Variants in PTPRG observed in about 807,000 individuals in gnomAD.
The protein encoded by PTPRG is receptor-type tyrosine-protein phosphatase gamma.
A neutral mutation model predicts 165.3 loss-of-function variants in PTPRG; 102 were observed. The ratio of observed to expected loss-of-function variants is 0.62; its 90% CI spans 0.53 to 0.73. PTPRG has a LOEUF of 0.73. Ranked by LOEUF, PTPRG falls within the 30% of genes least tolerant of loss-of-function variation. The pLI is 0.00. For synonymous variants in PTPRG, 675 were observed against 669.5 expected (o/e 1.01, Z -0.13); for missense variants, 1,866 against 1,861.4 (o/e 1.00, Z -0.05).
At chr3:61,747,345 G>A (rs1419650414) in intron 1 of PTPRG, among the ~76,000 whole-genome samples, 1 of 152,150 alleles carries the variant, frequency 6.6e-6, no homozygotes, top group Non-Finnish European at 1.5e-5. Context: ...GAAAGAGGAA[G>A]GATTAATGGG....
intron 2 of PTPRG, among the ~76,000 whole-genome samples, chr3:61,952,653 T>C (rs6778841): frequency 0.34 from 52,197 of 152,052 alleles, 10,239 homozygotes; most frequent in East Asian, 0.52. Flanking sequence ...TCTCTGCCCA[T>C]TTCTGCTTCC....
intron 1 of PTPRG, among the ~76,000 whole-genome samples, chr3:61,618,309 A>T (rs1559526295): frequency 6.6e-6 from 1 of 152,208 alleles, no homozygotes. Context: ...TCCATTAAGA[A>T]ACTGGTAAAT....
At chr3:62,075,107 G>C (rs1701341087) in intron 4 of PTPRG, among the ~76,000 whole-genome samples, 1 of 152,178 alleles carries the variant, frequency 6.6e-6, no homozygotes, top group African/African-American at 2.4e-5. Context: ...ATCCAGATGG[G>C]TGGAGCTGTG....
chr3:61,938,336 G>A (rs1397631907), intron 2 of PTPRG, among the ~76,000 whole-genome samples: 4 of 151,234 alleles, frequency 2.6e-5, no homozygotes, highest in Non-Finnish European at 5.9e-5. Context: ...CTTTGAAAAT[G>A]GGTTTTAAGA....
intron 2 of PTPRG, among the ~76,000 whole-genome samples, chr3:61,943,863 C>A (rs2107610921): frequency 6.6e-6 from 1 of 152,262 alleles, no homozygotes; most frequent in East Asian, 1.9e-4. Flanking sequence ...AGGTCATCAC[C>A]CTCCCTAGTC....
chr3:61,630,145 A>C (rs1261424226), intron 1 of PTPRG, among the ~76,000 whole-genome samples: 1 of 152,322 alleles, frequency 6.6e-6, no homozygotes, highest in African/African-American at 2.4e-5. Flanking sequence ...CTTTAAATAG[A>C]TGATATTATT....
At chr3:62,054,489 G>C (rs1700568215) in intron 4 of PTPRG, among the ~76,000 whole-genome samples, 1 of 152,146 alleles carries the variant, frequency 6.6e-6, no homozygotes, top group South Asian at 2.1e-4. Flanking sequence ...TCCAGGGATA[G>C]AAACGTGGGC....
At chr3:62,121,418 C>G (rs1332072795) in intron 5 of PTPRG, among the ~76,000 whole-genome samples, 1 of 152,100 alleles carries the variant, frequency 6.6e-6, no homozygotes, top group Non-Finnish European at 1.5e-5. Context: ...GAAATTGAGG[C>G]ACAACTAGAT....
At chr3:61,695,984 A>G (rs2030564265) in intron 1 of PTPRG, among the ~76,000 whole-genome samples, 1 of 152,174 alleles carries the variant, frequency 6.6e-6, no homozygotes, top group Non-Finnish European at 1.5e-5. Flanking sequence ...TAGGGATTTA[A>G]GGATGTGTTT....
intron 1 of PTPRG, among the ~76,000 whole-genome samples, chr3:61,732,226 AT>A (rs2032527946): frequency 6.6e-6 from 1 of 152,180 alleles, no homozygotes; most frequent in Non-Finnish European, 1.5e-5. Context: ...TGTAATCAGA[AT>A]TTTAAAAATG....
chr3:61,871,163 GTGTTATGTTA>G (rs201503322), intron 2 of PTPRG, among the ~76,000 whole-genome samples: 18,018 of 114,708 alleles, frequency 0.16, 1,495 homozygotes, highest in Non-Finnish European at 0.16. Flanking sequence ...GTGTTGTGTT[GTGTTATGTTA>G]TGTTATGTTA....
At chr3:62,079,202 A>G (rs1203763737) in intron 5 of PTPRG, among the ~76,000 whole-genome samples, 1 of 152,194 alleles carries the variant, frequency 6.6e-6, no homozygotes, top group African/African-American at 2.4e-5. Context: ...ACCCTTTTCA[A>G]TGGGTGACAC....
chr3:61,849,751 T>A (rs930700450), intron 2 of PTPRG, among the ~76,000 whole-genome samples: 1 of 152,124 alleles, frequency 6.6e-6, no homozygotes, highest in Non-Finnish European at 1.5e-5. Context: ...ATAGAACAAA[T>A]CCTGCGTATA....
chr3:61,641,022 T>A (rs1702044857), intron 1 of PTPRG, among the ~76,000 whole-genome samples: 1 of 152,220 alleles, frequency 6.6e-6, no homozygotes, highest in Non-Finnish European at 1.5e-5. Flanking sequence ...GAGCTTCGGC[T>A]AGAAGATGTC....
At chr3:61,849,427 A>C (rs977515121) in intron 2 of PTPRG, among the ~76,000 whole-genome samples, 2 of 152,196 alleles carry the variant, frequency 1.3e-5, no homozygotes, top group African/African-American at 4.8e-5. Flanking sequence ...GTAGGTGATG[A>C]AAAAGAGTGC....
chr3:61,848,776 A>G (rs569286001), intron 2 of PTPRG, among the ~76,000 whole-genome samples: 17 of 152,332 alleles, frequency 1.1e-4, no homozygotes, highest in Non-Finnish European at 2.1e-4. Context: ...ACATGTATAC[A>G]TGTGTAAAAT....
At chr3:62,033,521 T>C (rs528023206) in intron 4 of PTPRG, among the ~76,000 whole-genome samples, 30 of 141,970 alleles carry the variant, frequency 2.1e-4, no homozygotes, top group Non-Finnish European at 4.6e-4. Context: ...ACACATACCA[T>C]GCCTATCTTC....
intron 5 of PTPRG, among the ~76,000 whole-genome samples, chr3:62,090,506 G>A (rs945411395): frequency 6.6e-6 from 1 of 152,042 alleles, no homozygotes. Context: ...CTTTTTAATG[G>A]CTGTCAGACC....
chr3:61,770,897 G>A (rs1304076127), intron 2 of PTPRG: 1 of 151,982 alleles, frequency 6.6e-6, no homozygotes, highest in Non-Finnish European at 1.5e-5. Flanking sequence ...TTCTGTTCTA[G>A]CTCTCCTGTG....
Sources: gnomAD v4.1 joint callset for allele counts (sites outside exome capture counted in the v4.1 genomes callset) on GRCh38, gnomAD v4.1.1 for gene constraint, MANE v1.5 for transcripts, NCBI Gene and HGNC (gene_info 2026-07-23, HGNC 2026-07-21) for gene names.